The following ZNF236 variants were observed in gnomAD, a reference collection of about 807,000 sequenced individuals.
ZNF236 encodes the protein zinc finger protein 236.
Under a neutral mutation model 191.2 loss-of-function variants are expected in ZNF236, and 50 were observed. That is an observed-to-expected ratio of 0.26 (90% CI 0.21 to 0.33). ZNF236 has a LOEUF of 0.33. Among genes scored for constraint, ZNF236 ranks in the 10% least tolerant of loss-of-function variants. The probability of loss-of-function intolerance (pLI) is 1.00; values close to 1 mark genes in which losing one functional copy is unlikely to be tolerated. For synonymous variants in ZNF236, 907 were observed against 928.8 expected, an observed-to-expected ratio of 0.98 and a Z score of 0.43; for missense variants, 1,754 against 2,374.5, an observed-to-expected ratio of 0.74 and a Z score of 5.43.
At chr18:76,913,983 C>T in intron 18 of ZNF236, 85 bp downstream of exon 18, 1 of 1,425,908 alleles carries the variant, frequency 7.0e-7, no homozygotes. Context: ...TTCAGTTCAC[C>T]CACTTAAAGT....
At chr18:76,872,384 G>C (rs568530985) in intron 5 of ZNF236, among the ~76,000 whole-genome samples, 4 of 152,352 alleles carry the variant, frequency 2.6e-5, no homozygotes, top group South Asian at 4.1e-4. Flanking sequence ...AGGATTGCTT[G>C]AGCCTGAGAG....
chr18:76,859,809 T>C (rs2122556766), intron 3 of ZNF236, among the ~76,000 whole-genome samples: 1 of 152,256 alleles, frequency 6.6e-6, no homozygotes, highest in South Asian at 2.1e-4. Context: ...GCTGAGGCCT[T>C]AGAGCCCACA....
At position 76,925,400 on chromosome 18, in the gene ZNF236, A is replaced by T. The variant is rs771377884; in HGVS notation, c.3873A>T (p.Ser1291=). 1 of 1,613,252 alleles carries T rather than the reference A, an allele frequency of 6.2e-7. No homozygotes were observed. Among genetic ancestry groups the T allele is most frequent in the Admixed American group, 1.7e-5 (1 of 60,008 alleles). The change falls in exon 22 of 31, where the codon TCA becomes TCT. Residue 1291 remains serine (S), a synonymous_variant. Coordinates refer to ENST00000320610, the MANE Select transcript of ZNF236 (RefSeq NM_001306089.2). The surrounding 1 kb of genome is among the most constrained non-coding windows in gnomAD (Gnocchi z 5.7). ...KKARKPMTRS[S]SEGLQPVNLL... is the part of the protein sequence containing the mutation. ...CCAGAAAGCCTATGACTCGAAGCTC[A>T]TCGGAAGGACTGCAGCCTGTAAACC...
intron 17 of ZNF236, among the ~76,000 whole-genome samples, chr18:76,912,918 G>A (rs1478999378): frequency 1.3e-5 from 2 of 152,220 alleles, no homozygotes; most frequent in Non-Finnish European, 2.9e-5. Flanking sequence ...CTCCCAAAGT[G>A]CTGGGATTAC....
At chr18:76,957,432 G>T (rs1388888038) in intron 28 of ZNF236, among the ~76,000 whole-genome samples, 1 of 152,208 alleles carries the variant, frequency 6.6e-6, no homozygotes, top group African/African-American at 2.4e-5. Context: ...TCCCTCCAGG[G>T]GCTGGTGAGC....
intron 28 of ZNF236, among the ~76,000 whole-genome samples, chr18:76,958,253 A>G (rs1158489974): frequency 6.6e-6 from 1 of 152,242 alleles, no homozygotes; most frequent in East Asian, 1.9e-4. Context: ...AACATTTGCC[A>G]TTGTCTCAGA....
chr18:76,897,895 C>T (rs955446249), intron 10 of ZNF236, among the ~76,000 whole-genome samples: 1 of 152,186 alleles, frequency 6.6e-6, no homozygotes, highest in Non-Finnish European at 1.5e-5. Flanking sequence ...TGAGTCTCTT[C>T]TATAGGCTGG....
At position 76,925,205 on chromosome 18, in the gene ZNF236, C is replaced by T; in HGVS notation, c.3678C>T (p.Ser1226=). Residue 1226 remains serine (S), a synonymous_variant, in exon 22 of 31, where the codon AGC becomes AGT. Coordinates refer to ENST00000320610, the MANE Select transcript of ZNF236 (RefSeq NM_001306089.2). The surrounding 1 kb of genome is among the most constrained non-coding windows in gnomAD (Gnocchi z 5.7). ...VKTHTGQKLF[S]CHVCSNAFST... ...TTTTCACAGGTCAGAAGCTCTTCAG[C>T]TGTCACGTCTGCAGCAACGCCTTCT... 1.2e-6 allele frequency: 2 copies of T among 1,613,482 alleles called. No homozygotes were observed. The highest frequency in any genetic ancestry group is 8.5e-7 in the Non-Finnish European group (1 of 1,179,606).
Position 76,927,535 on chromosome 18 carries a change from T to C in ZNF236, c.4414+18T>C. On this transcript the variant is annotated intron_variant, in intron 24 of 30. Transcript: ENST00000320610. The surrounding 1 kb of genome is among the most constrained non-coding windows in gnomAD (Gnocchi z 5.4). ...CAGCAGTGGTAAGAGCCACTCACTT[T>C]TGCTTATTTTGACAGCTGGAGTTTC... 4.4e-6 allele frequency: 7 copies of C among 1,595,774 alleles called. No homozygotes were observed. The highest frequency in any genetic ancestry group is 6.0e-6 in the Non-Finnish European group (7 of 1,169,616).
intron 1 of ZNF236, among the ~76,000 whole-genome samples, chr18:76,831,074 T>C (rs1185274135): frequency 6.6e-6 from 1 of 152,242 alleles, no homozygotes; most frequent in Non-Finnish European, 1.5e-5. Flanking sequence ...CCAATGTTGA[T>C]ACATTGTTAT....
chr18:76,881,581 C>T (rs1976902580), intron 9 of ZNF236, 69 bp downstream of exon 9: 1 of 1,349,110 alleles, frequency 7.4e-7, no homozygotes, highest in Non-Finnish European at 1.0e-6. Flanking sequence ...GAAATGTGCC[C>T]TTCTTTTTTC....
At chr18:76,895,412 C>T in intron 10 of ZNF236, 127 bp downstream of exon 10, 4 of 1,296,288 alleles carry the variant, frequency 3.1e-6, no homozygotes, top group Non-Finnish European at 4.2e-6. Flanking sequence ...GTACTGCTCA[C>T]AGGGACTGCA....
At position 76,925,093 on chromosome 18, in the gene ZNF236, T is replaced by A; in HGVS notation, c.3662-96T>A. 1 of 1,516,966 alleles carries A rather than the reference T, an allele frequency of 6.6e-7. No individual in the cohort carries two copies. The highest frequency in any genetic ancestry group is 8.8e-7 in the Non-Finnish European group (1 of 1,133,384). The allele number at this position is 1,516,966 out of a possible 1,614,324, so 94.0% of individuals were successfully genotyped here. ...CATTAAAGTACTTCCATCCACTGAT[T>A]CAACATATTTACATCCATAGTGACA... On this transcript the variant is annotated intron_variant, in intron 21 of 30. Coordinates refer to ENST00000320610, the MANE Select transcript of ZNF236 (RefSeq NM_001306089.2). The surrounding 1 kb of genome is among the most constrained non-coding windows in gnomAD (Gnocchi z 5.7).
intron 11 of ZNF236, 111 bp downstream of exon 11, chr18:76,899,333 A>G: frequency 2.2e-6 from 2 of 924,388 alleles, no homozygotes; most frequent in Non-Finnish European, 3.2e-6. Flanking sequence ...TTTTTTAGGC[A>G]TAGTATTAAT....
At position 76,960,615 on chromosome 18, in the gene ZNF236, G is replaced by A. The variant is rs1243639853; in HGVS notation, c.5243-64G>A. 1.3e-6 allele frequency: 2 copies of A among 1,586,836 alleles called. No homozygotes were observed. Among genetic ancestry groups the A allele is most frequent in the Non-Finnish European group, 1.7e-6 (2 of 1,156,806 alleles). On this transcript the variant is annotated intron_variant, in intron 29 of 30. Transcript: ENST00000320610. The surrounding 1 kb of genome is among the most constrained non-coding windows in gnomAD (Gnocchi z 4.4). ...TCAGTCCCTCTTGTTCATACCTCAGGGTAGAGCCCAGGCATCCACTATACT... is the reference window on the plus strand; with the variant it reads ...TCAGTCCCTCTTGTTCATACCTCAGAGTAGAGCCCAGGCATCCACTATACT...
At chr18:76,893,099 T>C (rs1193669832) in intron 9 of ZNF236, among the ~76,000 whole-genome samples, 1 of 152,230 alleles carries the variant, frequency 6.6e-6, no homozygotes, top group Non-Finnish European at 1.5e-5. Context: ...TAGAACCTGG[T>C]GGCAGATTTA....
intron 27 of ZNF236, among the ~76,000 whole-genome samples, 158 bp from the exon 28 acceptor site, chr18:76,955,827 G>T (rs931708324): frequency 6.6e-6 from 1 of 152,208 alleles, no homozygotes; most frequent in African/African-American, 2.4e-5. Context: ...TGTGTGGAAG[G>T]CGCCTCTGGC....
At position 76,946,086 on chromosome 18, in the gene ZNF236, G is replaced by A. The variant is rs368629492; in HGVS notation, c.4783-1435G>A. On this transcript the variant is annotated intron_variant, in intron 26 of 30. Transcript: ENST00000320610. ...TTTTTCCTCCACTGTGTCTGATATA[G>A]TTTGGCCGTGTCCCCACCCAGATCT... 2.6e-5 allele frequency among the ~76,000 whole-genome samples: 4 copies of A among 152,290 alleles called. No homozygotes were observed. The East Asian group carries it at 7.7e-4, about 29-fold the overall frequency.
chr18:76,844,020 A>G (rs1975602144), intron 1 of ZNF236, among the ~76,000 whole-genome samples: 1 of 151,876 alleles, frequency 6.6e-6, no homozygotes. Flanking sequence ...TGGGAGGCTG[A>G]GGCGGCGTCA....
Sources: gnomAD v4.1 joint callset for allele counts (sites outside exome capture counted in the v4.1 genomes callset) on GRCh38, gnomAD v4.1.1 for gene constraint, Gnocchi (gnomAD v3.1) non-coding constraint, MANE v1.5 for transcripts, NCBI Gene and HGNC (gene_info 2026-07-23, HGNC 2026-07-21) for gene names.